The following COL4A1 variants were observed in gnomAD, a reference collection of about 807,000 sequenced individuals.
COL4A1 encodes collagen alpha-1(IV) chain.
Under a neutral mutation model 216.6 loss-of-function variants are expected in COL4A1, and 40 were observed. The observed-to-expected ratio is 0.18, with a 90% CI of 0.14 to 0.24. The LOEUF is 0.24. COL4A1 is among the 10% of genes least tolerant of loss of function. The pLI is 1.00. For synonymous variants in COL4A1, 839 were observed against 810.7 expected (o/e 1.03, Z -0.59); for missense variants, 1,628 against 2,196.8 (o/e 0.74, Z 5.18).
Position 110,149,921 on chromosome 13 carries a change from G to T in COL4A1, c.*442C>A. ...TTTTTACATTGCTATTATTTGTACAGACCAAGGGACCTAAATTTTGAAACA... is the reference window on the plus strand; with the variant it reads ...TTTTTACATTGCTATTATTTGTACATACCAAGGGACCTAAATTTTGAAACA... On this transcript the variant is annotated 3_prime_UTR_variant, in exon 52 of 52. Coordinates refer to ENST00000375820, the MANE Select transcript of COL4A1 (RefSeq NM_001845.6). 3.5e-6 allele frequency: 1 copy of T among 284,138 alleles called. No homozygotes were observed. Among genetic ancestry groups the T allele is most frequent in the Non-Finnish European group, 6.9e-6 (1 of 144,986 alleles). The allele number at this position is 284,138 out of a possible 1,614,324, so 17.6% of individuals were successfully genotyped here.
chr13:110,193,009 CAT>C (rs1878715219), intron 22 of COL4A1, 96 bp from the exon 23 acceptor site: 12 of 1,117,876 alleles, frequency 1.1e-5, no homozygotes, highest in Non-Finnish European at 1.6e-5. Context: ...CTGTCACTAA[CAT>C]ATTACATCCA....
In COL4A1 at chr13:110,176,918, T is replaced by A. The variant is rs375250353; in HGVS notation, c.2836A>T (p.Met946Leu). The A allele has an allele frequency of 4.3e-6, 7 of 1,614,242 alleles. No individual in the cohort carries two copies. The highest frequency in any genetic ancestry group is 5.9e-6 in the Non-Finnish European group (7 of 1,180,050). ...GSMDKVDMGS[M>L]KGQKGDQGEK... ...CCTTGGTCTCCTTTCTGGCCCTTCA[T>A]GCTGCCCATGTCCACCTTATCCATG... Residue 946 changes from methionine to leucine, a missense_variant, in exon 34 of 52, where the codon ATG becomes TTG. Around this residue, in one of 8 missense-constraint regions of COL4A1, gnomAD observed 58 missense variants for 132.5 expected, o/e 0.44. Coordinates refer to ENST00000375820, the MANE Select transcript of COL4A1 (RefSeq NM_001845.6).
At chr13:110,299,640 G>A (rs1884416240) in intron 1 of COL4A1, among the ~76,000 whole-genome samples, 1 of 152,248 alleles carries the variant, frequency 6.6e-6, no homozygotes, top group Non-Finnish European at 1.5e-5. Context: ...TGCACAACCA[G>A]TGTGTCCCTG....
rs1259104516 is a variant in COL4A1 at position 110,175,222 on chromosome 13, T to C, written c.3194A>G (p.Glu1065Gly). Residue 1065 changes from glutamate to glycine, a missense_variant, in exon 37 of 52, where the codon GAA (glutamate) becomes GGA (glycine). Glu to Gly is a moderately conservative substitution (Grantham distance 98). Around this residue, in one of 8 missense-constraint regions of COL4A1, gnomAD observed 345 missense variants for 476.9 expected, o/e 0.72. Transcript: ENST00000375820. ...PGIGIPGLRG[E>G]KGDQGIAGFP... is the part of the protein sequence containing the mutation. The stretch of plus-strand genomic sequence containing the variant: ...TCCACGCAGAGCGCTGGTTACCTTT[T>C]CACCTCGCAGCCCTGGGATGCCTAT... 1.2e-6 allele frequency: 2 copies of C among 1,614,224 alleles called. No homozygotes were observed. The highest frequency in any genetic ancestry group is 1.1e-5 in the South Asian group (1 of 91,086).
intron 1 of COL4A1, among the ~76,000 whole-genome samples, chr13:110,260,471 C>A (rs1310600168): frequency 6.6e-6 from 1 of 152,196 alleles, no homozygotes; most frequent in Non-Finnish European, 1.5e-5. Context: ...CCACACAGGA[C>A]AGGCTTGTGA....
chr13:110,257,442 G>T (rs939849674), intron 1 of COL4A1, among the ~76,000 whole-genome samples: 1 of 152,194 alleles, frequency 6.6e-6, no homozygotes, highest in African/African-American at 2.4e-5. Flanking sequence ...TCTGCAAACC[G>T]TAAGTGCTAC....
chr13:110,213,662 T>C, intron 4 of COL4A1, 120 bp downstream of exon 4: 1 of 1,006,438 alleles, frequency 9.9e-7, no homozygotes, highest in Non-Finnish European at 1.6e-6. Context: ...CCGTGCTGTG[T>C]GAGCTGGGAG....
chr13:110,260,757 T>C (rs1192701873), intron 1 of COL4A1, among the ~76,000 whole-genome samples: 1 of 151,972 alleles, frequency 6.6e-6, no homozygotes, highest in African/African-American at 2.4e-5. Flanking sequence ...CACTTAAAAA[T>C]GGTCAAAGTG....
rs1877983472 is a variant in COL4A1, at chr13:110,178,346, T to C, written c.2459-115A>G. ...AGAAAGCCCGTGAGCACGCCCACAC[T>C]GGGAACTTGAATGGATCATCTGTTA... On this transcript the variant is annotated intron_variant, in intron 31 of 51. Transcript: ENST00000375820. The C allele has an allele frequency of 5.4e-6, 7 of 1,284,810 alleles. No homozygotes were observed. The South Asian group carries it at 8.7e-5, about 16-fold the overall frequency. 79.6% of individuals were successfully genotyped at this position (1,284,810 alleles called of 1,614,324 possible).
chr13:110,242,574 T>C, intron 2 of COL4A1, 101 bp downstream of exon 2: 1 of 1,324,936 alleles, frequency 7.5e-7, no homozygotes, highest in Non-Finnish European at 1.1e-6. Flanking sequence ...AAAACAGTAA[T>C]AAGGCTTTCA....
At position 110,268,829 on chromosome 13, in the gene COL4A1, G is replaced by A. The variant is rs961274587; in HGVS notation, c.85-26095C>T. On this transcript the variant is annotated intron_variant, in intron 1 of 51. Transcript: ENST00000375820. The surrounding 1 kb of genome is among the most constrained non-coding windows in gnomAD (Gnocchi z 4.1). ...TCTGTCATCCGCCCATCTTCCAGCC[G>A]AGGGCAGGTGAGACACAAGGAGGAG... Among the ~76,000 whole-genome samples, 7 of 152,200 alleles carry A rather than the reference G, an allele frequency of 4.6e-5. No individual in the cohort carries two copies. The highest frequency in any genetic ancestry group is 7.2e-5 in the African/African-American group (3 of 41,448).
chr13:110,244,826 T>C (rs1441686011), intron 1 of COL4A1, among the ~76,000 whole-genome samples: 2 of 152,160 alleles, frequency 1.3e-5, no homozygotes, highest in South Asian at 2.1e-4. Flanking sequence ...ACGACACCAA[T>C]TGTAAAACCC....
chr13:110,253,439 C>A, intron 1 of COL4A1, among the ~76,000 whole-genome samples: 1 of 18,224 alleles, frequency 5.5e-5, no homozygotes, highest in African/African-American at 1.2e-4. Flanking sequence ...ATATGTATTA[C>A]ATATACATAT....
At chr13:110,194,929 C>T in intron 22 of COL4A1, 94 bp downstream of exon 22, 1 of 1,002,382 alleles carries the variant, frequency 1.0e-6, no homozygotes, top group Non-Finnish European at 1.6e-6. Context: ...CCTAACTCTG[C>T]CCACCCCCAC....
chr13:110,226,884 C>T (rs1264607831), intron 2 of COL4A1, among the ~76,000 whole-genome samples: 2 of 152,188 alleles, frequency 1.3e-5, no homozygotes, highest in Non-Finnish European at 2.9e-5. Flanking sequence ...ATTGCAAACT[C>T]AATGCAAAAT....
At position 110,186,323 on chromosome 13, in the gene COL4A1, A is replaced by G. The variant is rs565127221; in HGVS notation, c.1897+62T>C. 15 of 1,605,534 alleles carry G rather than the reference A, an allele frequency of 9.3e-6. No homozygotes were observed. In the African/African-American group the frequency reaches 1.7e-4, roughly 19 times the overall value. On this transcript the variant is annotated intron_variant, in intron 26 of 51. Coordinates refer to ENST00000375820, the MANE Select transcript of COL4A1 (RefSeq NM_001845.6). ...AACCCCAGGCCTCTGTGTGCACCCG[A>G]GGTGCCTGCCCTAACCTCCGTTTAC...
Position 110,176,622 on chromosome 13 carries a change from G to A in COL4A1, c.2968+4C>T, listed in dbSNP as rs1555303033. 1 of 1,613,594 alleles carries A rather than the reference G, an allele frequency of 6.2e-7. No homozygotes were observed. The highest frequency in any genetic ancestry group is 8.5e-7 in the Non-Finnish European group (1 of 1,179,500). ...ACACTGGGGACCGGAGCTCCACACT[G>A]TACCTGGCTGCCCAGGCTGTCCTGC... On this transcript the variant is annotated splice_donor_region_variant and intron_variant, in intron 35 of 51. Transcript: ENST00000375820.
In COL4A1 at chr13:110,213,811, G is replaced by C; in HGVS notation, c.250C>G (p.Pro84Ala). Reference sequence around the variant, plus strand: ...GTCCCTTTTGTTCCAGGTAGTCCTGGTTCTCCAGTATCACCCTGGAACAGA... The same window carrying C: ...GTCCCTTTTGTTCCAGGTAGTCCTGCTTCTCCAGTATCACCCTGGAACAGA... The part of the protein sequence containing the change: ...PPGQKGDTGE[P>A]GLPGTKGTRG... Residue 84 changes from proline to alanine, a missense_variant, in exon 4 of 52, where the codon CCA becomes GCA. Physicochemically the swap from Pro to Ala is conservative, Grantham distance 27. This residue lies in a region of COL4A1 where 150 missense variants were observed against 211.9 expected (regional missense o/e 0.71). Transcript: ENST00000375820. 1.2e-6 allele frequency: 2 copies of C among 1,614,098 alleles called. No homozygotes were observed. The highest frequency in any genetic ancestry group is 1.7e-6 in the Non-Finnish European group (2 of 1,180,004).
At chr13:110,159,208 C>T (rs563113680) in intron 49 of COL4A1, among the ~76,000 whole-genome samples, 1 of 152,318 alleles carries the variant, frequency 6.6e-6, no homozygotes, top group South Asian at 2.1e-4. Context: ...GGAGATCGCT[C>T]AGTCCAACAC....
Sources: allele counts gnomAD v4.1 joint callset (sites outside exome capture counted in the v4.1 genomes callset), GRCh38; gene constraint gnomAD v4.1.1; regional missense constraint gnomAD v4.1.1; non-coding constraint Gnocchi (gnomAD v3.1); transcripts MANE v1.5; gene names NCBI Gene and HGNC (gene_info 2026-07-23, HGNC 2026-07-21).